ORMDL1: variants seen among roughly 807,000 people sequenced by gnomAD.
ORMDL1 encodes the protein ORM1-like protein 1.
ORMDL1 carries 10 observed loss-of-function variants against 13.0 expected under a neutral mutation model. The ratio of observed to expected loss-of-function variants is 0.77; its 90% CI spans 0.47 to 1.30. The LOEUF is 1.30. Ranked by LOEUF, ORMDL1 falls within the 50% of genes most tolerant of loss-of-function variation. The probability of loss-of-function intolerance (pLI) is 0.00; values close to 1 mark genes in which losing one functional copy is unlikely to be tolerated. For missense variants in ORMDL1, 171 were observed against 186.7 expected (o/e 0.92, Z 0.49); for synonymous variants, 61 against 63.9 (o/e 0.95, Z 0.22).
Position 189,784,331 on chromosome 2 carries a change from T to G in ORMDL1, c.-180A>C, listed in dbSNP as rs966043348. 6.6e-6 allele frequency: 1 copy of G among 152,334 alleles called. No individual in the cohort carries two copies. The highest frequency in any genetic ancestry group is 2.4e-5 in the African/African-American group (1 of 41,468). The allele number at this position is 152,334 out of a possible 1,614,324, so 9.4% of individuals were successfully genotyped here. ...CCAGCCCGGCTGCTACGGCCGCGGATACACGCCCTCAGGCCCGGCGCTGCG... is the reference window on the plus strand; with the variant it reads ...CCAGCCCGGCTGCTACGGCCGCGGAGACACGCCCTCAGGCCCGGCGCTGCG... On this transcript the variant is annotated 5_prime_UTR_variant, in exon 1 of 5. Coordinates refer to ENST00000392349, the MANE Select transcript of ORMDL1 (RefSeq NM_016467.5).
downstream of ORMDL1, among the ~76,000 whole-genome samples, chr2:189,768,999 AAATAG>A (rs147485315): frequency 0.01 from 1,579 of 152,348 alleles, 35 homozygotes; most frequent in African/African-American, 0.036. Flanking sequence ...TCTATTACAA[AAATAG>A]AATATACTGT....
intron 3 of ORMDL1, chr2:189,778,051 T>C (rs2047736488): frequency 2.6e-6 from 1 of 381,380 alleles, no homozygotes; most frequent in South Asian, 2.0e-5. Context: ...CAATGTCAAT[T>C]ACCAATCATT....
At chr2:189,767,502 TAAA>T (rs1401700906), downstream of ORMDL1, among the ~76,000 whole-genome samples, 1 of 152,192 alleles carries the variant, frequency 6.6e-6, no homozygotes, top group Admixed American at 6.5e-5. Context: ...AGATTGTCAA[TAAA>T]AATTTATAAT....
chr2:189,763,868 G>A, the ORMDL1 span: 1 of 152,094 alleles, frequency 6.6e-6, no homozygotes, highest in African/African-American at 2.4e-5. Context: ...ATATGGTTGA[G>A]GTTTTTTATT....
Position 189,771,982 on chromosome 2 carries a change from A to G in ORMDL1, c.327-80T>C, listed in dbSNP as rs1574961828. On this transcript the variant is annotated intron_variant, in intron 4 of 4. Transcript: ENST00000392349. ...AACTTAAACAATTTTAAAGGTAGAA[A>G]AAAAGGCCACTAAAGCATAAATACC... 21 of 1,105,984 alleles carry G rather than the reference A, an allele frequency of 1.9e-5. No homozygotes were observed. In the East Asian group the frequency reaches 5.5e-4, roughly 29 times the overall value. The allele number at this position is 1,105,984 out of a possible 1,614,324, so 68.5% of individuals were successfully genotyped here.
rs2047565593 is a variant in ORMDL1 at position 189,770,986 on chromosome 2, A to G, written c.*781T>C. 1.3e-5 allele frequency: 2 copies of G among 152,184 alleles called. No individual in the cohort carries two copies. Among genetic ancestry groups the G allele is most frequent in the South Asian group, 4.1e-4 (2 of 4,826 alleles). 9.4% of individuals were successfully genotyped at this position (152,184 alleles called of 1,614,324 possible). A position where few individuals can be genotyped will look rare whatever the true frequency, so the allele number is the denominator to read the frequency against. ...TAAGCAGACACCTTTAAATTACCAT[A>G]TATTTTTTAGTTGCTTGAAAGAAAT... is the stretch of plus-strand genomic sequence containing the variant. On this transcript the variant is annotated 3_prime_UTR_variant, in exon 5 of 5. Coordinates refer to ENST00000392349, the MANE Select transcript of ORMDL1 (RefSeq NM_016467.5).
At chr2:189,764,652 T>C in the ORMDL1 span, among the ~76,000 whole-genome samples, 1 of 152,210 alleles carries the variant, frequency 6.6e-6, no homozygotes, top group Non-Finnish European at 1.5e-5. Flanking sequence ...TGCAGATAGT[T>C]AGAATGCCAC....
intron 3 of ORMDL1, among the ~76,000 whole-genome samples, chr2:189,777,058 A>G (rs1297514375): frequency 6.6e-6 from 1 of 152,252 alleles, no homozygotes; most frequent in Non-Finnish European, 1.5e-5. Context: ...TTCAGCTCAA[A>G]TAACAATTCC....
chr2:189,776,764 T>C (rs2047706549), intron 3 of ORMDL1, among the ~76,000 whole-genome samples: 1 of 152,166 alleles, frequency 6.6e-6, no homozygotes, highest in South Asian at 2.1e-4. Flanking sequence ...AAAGGACTCA[T>C]GTTCAATTGG....
At chr2:189,779,403 C>A (rs555080983) in intron 3 of ORMDL1, among the ~76,000 whole-genome samples, 2 of 152,110 alleles carry the variant, frequency 1.3e-5, no homozygotes, top group African/African-American at 4.8e-5. Context: ...GCTATGATCA[C>A]GCCAGTCTCT....
At chr2:189,781,326 G>A (rs1470635870) in intron 3 of ORMDL1, among the ~76,000 whole-genome samples, 2 of 152,070 alleles carry the variant, frequency 1.3e-5, no homozygotes, top group African/African-American at 2.4e-5. Flanking sequence ...TGCTAAACTG[G>A]ATTCAATTAA....
downstream of ORMDL1, chr2:189,765,506 C>G (rs989480655): frequency 1.3e-5 from 2 of 152,132 alleles, no homozygotes; most frequent in Admixed American, 6.5e-5. Context: ...CTCTGGAGTA[C>G]TGAGTTACCC....
the ORMDL1 span, chr2:189,764,859 A>C: frequency 6.6e-6 from 1 of 151,412 alleles, no homozygotes; most frequent in East Asian, 1.9e-4. Context: ...TTTTAGATGG[A>C]GTCTCACTCT....
intron 3 of ORMDL1, among the ~76,000 whole-genome samples, chr2:189,777,442 G>A (rs1459863183): frequency 6.6e-6 from 1 of 152,144 alleles, no homozygotes; most frequent in Non-Finnish European, 1.5e-5. Flanking sequence ...ATAGATATTA[G>A]AATATAAGAG....
At chr2:189,774,549 T>C (rs116533713) in intron 4 of ORMDL1, among the ~76,000 whole-genome samples, 5,729 of 152,258 alleles carry the variant, frequency 0.038, 154 homozygotes, top group African/African-American at 0.067. Context: ...CTGCACTGAC[T>C]CTATCATGGA....
chr2:189,776,991 G>C (rs989509818), intron 3 of ORMDL1, among the ~76,000 whole-genome samples: 1 of 152,098 alleles, frequency 6.6e-6, no homozygotes, highest in Non-Finnish European at 1.5e-5. Context: ...GGAGGGAAAG[G>C]TTCCTTGTTG....
downstream of ORMDL1, among the ~76,000 whole-genome samples, chr2:189,766,733 A>C (rs80277863): frequency 0.27 from 39,951 of 150,308 alleles, 5,615 homozygotes; most frequent in African/African-American, 0.35. Context: ...TCAAAAAAAA[A>C]AAAACAAAAC....
intron 3 of ORMDL1, 99 bp from the exon 4 acceptor site, chr2:189,775,815 G>T: frequency 8.5e-7 from 1 of 1,173,576 alleles, no homozygotes; most frequent in Non-Finnish European, 1.2e-6. Flanking sequence ...GTGAGAGTGT[G>T]TGATTTAACT....
In ORMDL1 at chr2:189,775,655, T is replaced by C; in HGVS notation, c.236A>G (p.Lys79Arg). ...TTCCCAATGAGTTAGGAGCCTTGCT[T>C]TACCCTGGTCAGGAGTTTCGAAAGG... Reference protein sequence around the residue: ...GTPFETPDQGKARLLTHWEQL... With the variant: ...GTPFETPDQGRARLLTHWEQL... Residue 79 changes from lysine to arginine, a missense_variant, in exon 4 of 5, where the codon AAA becomes AGA. Physicochemically the swap from Lys to Arg is conservative, Grantham distance 26. Transcript: ENST00000392349. 6.2e-7 allele frequency: 1 copy of C among 1,614,024 alleles called. No individual in the cohort carries two copies. Among genetic ancestry groups the C allele is most frequent in the Non-Finnish European group, 8.5e-7 (1 of 1,179,890 alleles).
Sources: gnomAD v4.1 joint callset for allele counts (sites outside exome capture counted in the v4.1 genomes callset) on GRCh38, gnomAD v4.1.1 for gene constraint, MANE v1.5 for transcripts, NCBI Gene and HGNC (gene_info 2026-07-23, HGNC 2026-07-21) for gene names.